DPYSL3: variants seen among roughly 807,000 people sequenced by gnomAD.
DPYSL3 encodes dihydropyrimidinase like 3.
DPYSL3 carries 16 observed loss-of-function variants against 66.1 expected under a neutral mutation model. The observed-to-expected ratio is 0.24, with a 90% CI of 0.16 to 0.37. The LOEUF is 0.37. Among genes scored for constraint, DPYSL3 ranks in the 10% least tolerant of loss-of-function variants. The probability of loss-of-function intolerance (pLI) is 1.00; values close to 1 mark genes in which losing one functional copy is unlikely to be tolerated. For missense variants in DPYSL3, 738 were observed against 916.2 expected (o/e 0.81, Z 2.51); for synonymous variants, 338 against 345.1 (o/e 0.98, Z 0.23).
At chr5:147,405,497 G>C in intron 8 of DPYSL3, 113 bp downstream of exon 8, 1 of 1,397,558 alleles carries the variant, frequency 7.2e-7, no homozygotes, top group Non-Finnish European at 9.5e-7. Flanking sequence ...CGGCTTCCTA[G>C]GGAGCAAGGC....
intron 1 of DPYSL3, among the ~76,000 whole-genome samples, chr5:147,491,904 C>T (rs1161089526): frequency 2.6e-5 from 4 of 151,794 alleles, no homozygotes; most frequent in African/African-American, 7.3e-5. Context: ...AACAATTTTC[C>T]CCAGATTAAC....
intron 1 of DPYSL3, among the ~76,000 whole-genome samples, chr5:147,475,730 T>C (rs1753146663): frequency 6.6e-6 from 1 of 152,044 alleles, no homozygotes; most frequent in South Asian, 2.1e-4. Context: ...ATAGAAGTAA[T>C]CTCATTTAAA....
rs1753734560 is a variant in DPYSL3, at chr5:147,509,835, C to G, written c.24G>C (p.Trp8Cys). Residue 8 changes from tryptophan (W) to cysteine (C), a missense_variant, in exon 1 of 14, where the codon TGG becomes TGC. Transcript: ENST00000343218. This position sits in a 1 kb window ranked among gnomAD's most constrained non-coding sequence, Gnocchi z 5.3. ...GCAGATCGTCTTCGTGGGAGCTGTC[C>G]CAGCCCCTCCGGCCCGAGGCCATGG... MASGRRG[W>C]DSSHEDDLPV... 6.5e-7 allele frequency: 1 copy of G among 1,532,658 alleles called. No homozygotes were observed. The highest frequency in any genetic ancestry group is 8.7e-7 in the Non-Finnish European group (1 of 1,144,432). 94.9% of individuals were successfully genotyped at this position (1,532,658 alleles called of 1,614,324 possible). A position where few individuals can be genotyped will look rare whatever the true frequency, so the allele number is the denominator to read the frequency against.
intron 1 of DPYSL3, among the ~76,000 whole-genome samples, chr5:147,492,618 T>A (rs1195016887): frequency 1.3e-5 from 2 of 152,114 alleles, no homozygotes; most frequent in Non-Finnish European, 2.9e-5. Context: ...TTGGATTATT[T>A]GTAAATATAT....
chr5:147,410,958 C>T (rs769274652), intron 6 of DPYSL3, among the ~76,000 whole-genome samples: 2 of 152,184 alleles, frequency 1.3e-5, no homozygotes, highest in Admixed American at 6.5e-5. Flanking sequence ...GAAACTTCCA[C>T]TCTAAGGATT....
Position 147,509,604 on chromosome 5 carries a change from G to T in DPYSL3, c.255C>A (p.Thr85=), listed in dbSNP as rs753368208. ...SGSRPGIEGD[T]PRRGQGREES... is the part of the protein sequence containing the mutation. ...CTTCCCGGCCTTGGCCCCTGCGCGGGGTGTCCCCCTCGATCCCGGGCCGAC... is the reference window on the plus strand; with the variant it reads ...CTTCCCGGCCTTGGCCCCTGCGCGGTGTGTCCCCCTCGATCCCGGGCCGAC... Residue 85 remains threonine, a synonymous_variant, in exon 1 of 14, where the codon ACC becomes ACA. Transcript: ENST00000343218. This position sits in a 1 kb window ranked among gnomAD's most constrained non-coding sequence, Gnocchi z 5.3. The T allele has an allele frequency of 6.5e-6, 10 of 1,535,380 alleles. No individual in the cohort carries two copies. The South Asian group carries it at 7.1e-5, about 11-fold the overall frequency.
chr5:147,405,629 G>A lies in DPYSL3; in HGVS notation c.1134C>T (p.Ile378=). 1 of 1,612,624 alleles carries A rather than the reference G, an allele frequency of 6.2e-7. No homozygotes were observed. Among genetic ancestry groups the A allele is most frequent in the Non-Finnish European group, 8.5e-7 (1 of 1,179,468 alleles). The change falls in exon 8 of 14, where the codon ATC becomes ATT. Residue 378 remains isoleucine (I), a synonymous_variant. Coordinates refer to ENST00000343218, the MANE Select transcript of DPYSL3 (RefSeq NM_001197294.2). ...AATCACCTTTTTTCCTGGCTTGTGA[G>A]ATGAGGTCAGCTGCACTCTTGCTCA... ...KVMSKSAADL[I]SQARKKGNVV...
At chr5:147,453,657 T>A in intron 1 of DPYSL3, 3 of 1,493,772 alleles carry the variant, frequency 2.0e-6, no homozygotes, top group Non-Finnish European at 2.7e-6. Context: ...CGCGCCTTCC[T>A]CAGCGCACAG....
chr5:147,415,975 A>G (rs1040739501), intron 3 of DPYSL3, 102 bp from the exon 4 acceptor site: 6 of 1,311,324 alleles, frequency 4.6e-6, no homozygotes, highest in Non-Finnish European at 6.2e-6. Context: ...CAGAATCTCT[A>G]TTTCCTGAGC....
At chr5:147,477,580 T>A in intron 1 of DPYSL3, among the ~76,000 whole-genome samples, 1 of 129,946 alleles carries the variant, frequency 7.7e-6, no homozygotes, top group Admixed American at 7.6e-5. Flanking sequence ...TTTTTTTTTT[T>A]TTTTTTTTTT....
At chr5:147,442,849 A>G (rs113632236) in intron 1 of DPYSL3, among the ~76,000 whole-genome samples, 5 of 138,134 alleles carry the variant, frequency 3.6e-5, no homozygotes, top group African/African-American at 1.7e-4. Context: ...ATAGTCAAAA[A>G]AAAAAATCTA....
rs987097041 is a variant in DPYSL3, at chr5:147,391,542, T to C, written c.*2493A>G. 1.3e-5 allele frequency: 2 copies of C among 152,376 alleles called. No individual in the cohort carries two copies. The highest frequency in any genetic ancestry group is 2.9e-5 in the Non-Finnish European group (2 of 68,022). 9.4% of individuals were successfully genotyped at this position (152,376 alleles called of 1,614,324 possible). The stretch of plus-strand genomic sequence containing the variant: ...GGCAAAGGACAGCTTTGGAATCAGA[T>C]AGACGATCCAGCGTGCCTTCCTACA... On this transcript the variant is annotated 3_prime_UTR_variant, in exon 14 of 14. Transcript: ENST00000343218.
Position 147,412,590 on chromosome 5 carries a change from G to A in DPYSL3, c.963+18C>T. 2 of 1,607,658 alleles carry A rather than the reference G, an allele frequency of 1.2e-6. No individual in the cohort carries two copies. Among genetic ancestry groups the A allele is most frequent in the Non-Finnish European group, 1.7e-6 (2 of 1,176,544 alleles). On this transcript the variant is annotated intron_variant, in intron 6 of 13. Transcript: ENST00000343218. ...AATGCAGACCCAAAGCACGCTCCAG[G>A]GAGCTGCACGGTGTTACCTGGGCAA...
intron 7 of DPYSL3, 177 bp from the exon 8 acceptor site, chr5:147,405,907 C>T (rs936209384): frequency 2.9e-6 from 2 of 690,586 alleles, no homozygotes; most frequent in Non-Finnish European, 4.5e-6. Context: ...AACTGTGTCA[C>T]TTTACTCAGC....
intron 1 of DPYSL3, among the ~76,000 whole-genome samples, chr5:147,445,801 C>T (rs973230015): frequency 6.6e-6 from 1 of 152,130 alleles, no homozygotes; most frequent in African/African-American, 2.4e-5. Flanking sequence ...CAATAGTAGC[C>T]TTATCCTAAA....
At chr5:147,476,653 TCTTCTC>T in intron 1 of DPYSL3, among the ~76,000 whole-genome samples, 1 of 152,164 alleles carries the variant, frequency 6.6e-6, no homozygotes. Context: ...ACTGGTGAAA[TCTTCTC>T]ATGTATATGG....
chr5:147,446,597 G>C (rs1364685625), intron 1 of DPYSL3, among the ~76,000 whole-genome samples: 3 of 152,186 alleles, frequency 2.0e-5, no homozygotes, highest in Non-Finnish European at 4.4e-5. Context: ...TGACTGAAGG[G>C]AAACAGACAG....
chr5:147,431,004 T>A (rs1752305226), intron 1 of DPYSL3, among the ~76,000 whole-genome samples: 1 of 152,198 alleles, frequency 6.6e-6, no homozygotes, highest in South Asian at 2.1e-4. Flanking sequence ...AAGCACAGAC[T>A]GTGACCTTCT....
intron 1 of DPYSL3, among the ~76,000 whole-genome samples, chr5:147,506,603 T>C (rs987214140): frequency 2.0e-5 from 3 of 152,054 alleles, no homozygotes; most frequent in Non-Finnish European, 4.4e-5. Context: ...CTGAAGAAGC[T>C]AGGAATAATA....
Sources: gnomAD v4.1 joint callset for allele counts (sites outside exome capture counted in the v4.1 genomes callset) on GRCh38, gnomAD v4.1.1 for gene constraint, Gnocchi (gnomAD v3.1) non-coding constraint, MANE v1.5 for transcripts, NCBI Gene and HGNC (gene_info 2026-07-23, HGNC 2026-07-21) for gene names.